The following SPTY2D1 variants were observed in gnomAD, a reference collection of about 807,000 sequenced individuals.
The protein encoded by SPTY2D1 is SPT2 chromatin protein domain containing 1.
Under a neutral mutation model 64.0 loss-of-function variants are expected in SPTY2D1, and 21 were observed. The ratio of observed to expected loss-of-function variants is 0.33; its 90% CI spans 0.23 to 0.47. The LOEUF (loss-of-function observed/expected upper bound fraction) is 0.47, where lower values mean the gene tolerates loss of function less well. Among genes scored for constraint, SPTY2D1 ranks in the 20% least tolerant of loss-of-function variants. The probability of loss-of-function intolerance (pLI) is 1.00; values close to 1 mark genes in which losing one functional copy is unlikely to be tolerated. For synonymous variants in SPTY2D1, 287 were observed against 286.8 expected (o/e 1.00, Z -0.01); for missense variants, 724 against 837.2 (o/e 0.86, Z 1.67).
chr11:18,622,287 T>C (rs1419183244), intron 1 of SPTY2D1, among the ~76,000 whole-genome samples: 1 of 151,882 alleles, frequency 6.6e-6, no homozygotes, highest in Non-Finnish European at 1.5e-5. Flanking sequence ...CCCAACACTT[T>C]GGAAGGCTGA....
chr11:18,616,874 C>T lies in SPTY2D1; in HGVS notation c.175+1G>A, dbSNP rs938320645. 1.9e-6 allele frequency: 3 copies of T among 1,613,696 alleles called. No homozygotes were observed. Among genetic ancestry groups the T allele is most frequent in the Non-Finnish European group, 2.5e-6 (3 of 1,179,712 alleles). On this transcript the variant is annotated splice_donor_variant, in intron 2 of 5. Coordinates refer to ENST00000336349, the MANE Select transcript of SPTY2D1 (RefSeq NM_194285.3). LOFTEE classifies it high-confidence loss of function. Reference sequence around the variant, plus strand: ...TTGAGAATAAGGCTATAGATACATACCTTTTCGTCTCAGCTCCTCTTCTTT... The same window carrying T: ...TTGAGAATAAGGCTATAGATACATATCTTTTCGTCTCAGCTCCTCTTCTTT...
At chr11:18,621,714 G>A (rs564168843) in intron 1 of SPTY2D1, among the ~76,000 whole-genome samples, 14 of 152,266 alleles carry the variant, frequency 9.2e-5, no homozygotes, top group African/African-American at 3.4e-4. Context: ...GGCAAGGTCA[G>A]CACTGCTTTA....
intron 5 of SPTY2D1, among the ~76,000 whole-genome samples, chr11:18,611,126 C>G (rs1462671726): frequency 6.6e-6 from 1 of 152,068 alleles, no homozygotes; most frequent in Non-Finnish European, 1.5e-5. Context: ...AAGACCCCAT[C>G]TCTTAAAAAC....
chr11:18,628,991 C>T (rs1854542826), intron 1 of SPTY2D1, among the ~76,000 whole-genome samples: 1 of 152,156 alleles, frequency 6.6e-6, no homozygotes, highest in Non-Finnish European at 1.5e-5. Context: ...GTCCTGGGCT[C>T]TTACTTTCAC....
intron 1 of SPTY2D1, among the ~76,000 whole-genome samples, chr11:18,625,816 T>A (rs1481335178): frequency 7.1e-6 from 1 of 140,602 alleles, no homozygotes; most frequent in Non-Finnish European, 1.5e-5. Flanking sequence ...TCCAACACTT[T>A]CTTTTTTTTT....
chr11:18,620,463 A>T (rs1293111059), intron 1 of SPTY2D1, among the ~76,000 whole-genome samples: 5 of 152,098 alleles, frequency 3.3e-5, no homozygotes, highest in Non-Finnish European at 5.9e-5. Context: ...TGGGCAACAG[A>T]GTGAGACTCG....
At position 18,628,982 on chromosome 11, in the gene SPTY2D1, T is replaced by C. The variant is rs79581773; in HGVS notation, c.60+5216A>G. Among the ~76,000 whole-genome samples, 1,028 of 152,284 alleles carry C rather than the reference T, an allele frequency of 6.8e-3. 5 individuals carry two copies. The highest frequency in any genetic ancestry group is 9.6e-3 in the Non-Finnish European group (653 of 68,030). On this transcript the variant is annotated intron_variant, in intron 1 of 5. Transcript: ENST00000336349. The stretch of plus-strand genomic sequence containing the variant: ...TCTGAATTTGCTGTCCTAGTTAATG[T>C]CCTGGGCTCTTACTTTCACTACCTA...
chr11:18,614,705 T>C lies in SPTY2D1; in HGVS notation c.1569A>G (p.Thr523=), dbSNP rs950058540. 4 of 1,614,246 alleles carry C rather than the reference T, an allele frequency of 2.5e-6. No homozygotes were observed. Among genetic ancestry groups the C allele is most frequent in the Non-Finnish European group, 3.4e-6 (4 of 1,180,038 alleles). The part of the protein sequence containing the change: ...RPVSSLGPGQ[T]VSSSGPTIKP... Reference sequence around the variant, plus strand: ...TTATAGTGGGACCTGAGCTACTAACTGTTTGCCCAGGTCCCAAGCTGCTCA... The same window carrying C: ...TTATAGTGGGACCTGAGCTACTAACCGTTTGCCCAGGTCCCAAGCTGCTCA... Residue 523 remains threonine, a synonymous_variant, in exon 3 of 6, where the codon ACA becomes ACG. Coordinates refer to ENST00000336349, the MANE Select transcript of SPTY2D1 (RefSeq NM_194285.3).
At chr11:18,617,926 A>G (rs1341816367) in intron 1 of SPTY2D1, among the ~76,000 whole-genome samples, 1 of 152,220 alleles carries the variant, frequency 6.6e-6, no homozygotes, top group Non-Finnish European at 1.5e-5. Context: ...TGGACAACAG[A>G]GCAAAACTCC....
chr11:18,628,067 CTGAGA>C (rs892807221), intron 1 of SPTY2D1, among the ~76,000 whole-genome samples: 10 of 152,122 alleles, frequency 6.6e-5, no homozygotes, highest in African/African-American at 7.2e-5. Context: ...AAAAACCTGA[CTGAGA>C]TAAGAGACCC....
chr11:18,610,028 C>A, intron 5 of SPTY2D1, 74 bp from the exon 6 acceptor site: 1 of 1,357,728 alleles, frequency 7.4e-7, no homozygotes, highest in South Asian at 1.2e-5. Flanking sequence ...AATGAAAATT[C>A]CAACTGGGAG....
rs186842565 is a variant in SPTY2D1 at position 18,609,729 on chromosome 11, A to G, written c.*132T>C. ...TTTATGCTCAAATGACAGCCTGCAAATGACAGTATGCATTCCTTCTCCTTG... is the reference window on the plus strand; with the variant it reads ...TTTATGCTCAAATGACAGCCTGCAAGTGACAGTATGCATTCCTTCTCCTTG... On this transcript the variant is annotated 3_prime_UTR_variant, in exon 6 of 6. Coordinates refer to ENST00000336349, the MANE Select transcript of SPTY2D1 (RefSeq NM_194285.3). 3.6e-5 allele frequency: 26 copies of G among 719,060 alleles called. No homozygotes were observed. In the East Asian group the frequency reaches 6.2e-4, roughly 17 times the overall value. 44.5% of individuals were successfully genotyped at this position (719,060 alleles called of 1,614,324 possible).
intron 1 of SPTY2D1, among the ~76,000 whole-genome samples, chr11:18,623,318 A>T (rs943495127): frequency 7.2e-5 from 11 of 152,110 alleles, no homozygotes; most frequent in African/African-American, 2.7e-4. Context: ...TCTCCCAAAA[A>T]ATCTCTTAGC....
chr11:18,629,654 T>A (rs1022793965), intron 1 of SPTY2D1, among the ~76,000 whole-genome samples: 13 of 152,338 alleles, frequency 8.5e-5, no homozygotes, highest in African/African-American at 3.1e-4. Flanking sequence ...TTCTCCTTTA[T>A]ATATAAACAG....
At chr11:18,611,596 A>G (rs1377017314) in intron 4 of SPTY2D1, 42 bp from the exon 5 acceptor site, 7 of 1,531,350 alleles carry the variant, frequency 4.6e-6, no homozygotes, top group Non-Finnish European at 4.5e-6. Flanking sequence ...GAAAACTTCA[A>G]TTTTCTAAAG....
chr11:18,608,958 G>A lies in SPTY2D1; in HGVS notation c.*903C>T, dbSNP rs1281465728. Reference sequence around the variant, plus strand: ...TGTCAAGAGGTATGAGGGCACCTTGGGATTTCAAAATATCTTTATGATGGG... The same window carrying A: ...TGTCAAGAGGTATGAGGGCACCTTGAGATTTCAAAATATCTTTATGATGGG... On this transcript the variant is annotated 3_prime_UTR_variant, in exon 6 of 6. Transcript: ENST00000336349. 2.0e-5 allele frequency: 3 copies of A among 149,772 alleles called. No homozygotes were observed. The highest frequency in any genetic ancestry group is 4.9e-5 in the African/African-American group (2 of 41,164). The allele number at this position is 149,772 out of a possible 1,614,324, so 9.3% of individuals were successfully genotyped here. A position where few individuals can be genotyped will look rare whatever the true frequency, so the allele number is the denominator to read the frequency against.
At chr11:18,630,865 C>T (rs182072486) in intron 1 of SPTY2D1, among the ~76,000 whole-genome samples, 311 of 152,042 alleles carry the variant, frequency 2.0e-3, no homozygotes, top group African/African-American at 7.0e-3. Flanking sequence ...TCTGTCACCC[C>T]GGCTGGAGTG....
intron 1 of SPTY2D1, among the ~76,000 whole-genome samples, chr11:18,618,964 A>G (rs1221153033): frequency 6.6e-6 from 1 of 152,220 alleles, no homozygotes; most frequent in Non-Finnish European, 1.5e-5. Context: ...CACCTTGGCT[A>G]GGCCATAGTG....
In SPTY2D1 at chr11:18,615,511, C is replaced by T; in HGVS notation, c.763G>A (p.Gly255Arg). 1 of 1,614,192 alleles carries T rather than the reference C, an allele frequency of 6.2e-7. No individual in the cohort carries two copies. The highest frequency in any genetic ancestry group is 8.5e-7 in the Non-Finnish European group (1 of 1,180,030). The change falls in exon 3 of 6, where the codon GGA becomes AGA. Residue 255 changes from glycine to arginine, a missense_variant. Gly to Arg is a moderately radical substitution (Grantham distance 125, BLOSUM62 -2). Around this residue, in one of 3 missense-constraint regions of SPTY2D1, gnomAD observed 426 missense variants for 431.8 expected, o/e 0.99. Coordinates refer to ENST00000336349, the MANE Select transcript of SPTY2D1 (RefSeq NM_194285.3). The part of the protein sequence containing the change: ...GSGDRHPSSK[G>R]MPLPHAEKKS... The stretch of plus-strand genomic sequence containing the variant: ...TTCTCAGCATGAGGAAGGGGCATTC[C>T]TTTGGAAGAAGGATGCCTGTCTCCA...
Sources: gnomAD v4.1 joint callset for allele counts (sites outside exome capture counted in the v4.1 genomes callset) on GRCh38, gnomAD v4.1.1 for gene constraint, gnomAD v4.1.1 regional missense constraint, MANE v1.5 for transcripts, NCBI Gene and HGNC (gene_info 2026-07-23, HGNC 2026-07-21) for gene names.